The following SMAD5 variants were observed in gnomAD, a reference collection of about 807,000 sequenced individuals.
SMAD5 encodes the protein SMAD family member 5.
In SMAD5, 9 loss-of-function variants were observed where a neutral mutation model predicts 43.1. The observed-to-expected ratio is 0.21, with a 90% confidence interval of 0.13 to 0.36. The LOEUF is 0.36. SMAD5 is among the 10% of genes least tolerant of loss of function. The pLI is 1.00. For missense variants in SMAD5, 348 were observed against 574.0 expected (o/e 0.61, Z 4.02); for synonymous variants, 190 against 192.4 (o/e 0.99, Z 0.10).
At chr5:136,159,133 TTACA>T (rs1463463895) in intron 3 of SMAD5, among the ~76,000 whole-genome samples, 1 of 152,200 alleles carries the variant, frequency 6.6e-6, no homozygotes, top group Non-Finnish European at 1.5e-5. Flanking sequence ...CAGCAATGAA[TTACA>T]TGTATGTATA....
chr5:136,149,247 G>C lies in SMAD5; in HGVS notation c.-170+1341G>C, dbSNP rs79508508. Among the ~76,000 whole-genome samples the C allele has an allele frequency of 3.4e-3, 514 of 151,898 alleles. 7 individuals are homozygous for C. Among genetic ancestry groups the C allele is most frequent in the African/African-American group, 0.012 (478 of 41,472 alleles). ...CACTCTACTGCTGATGAATATTTGG[G>C]TTCCAGTTTGGGACTATTATAAATA... On this transcript the variant is annotated intron_variant, in intron 2 of 7. Coordinates refer to ENST00000545279, the MANE Select transcript of SMAD5 (RefSeq NM_005903.7).
intron 1 of SMAD5, among the ~76,000 whole-genome samples, chr5:136,146,613 G>T (rs1484545698): frequency 6.6e-6 from 1 of 151,566 alleles, no homozygotes. Flanking sequence ...ACTTATGTGA[G>T]GATACTAAAG....
At chr5:136,168,402 T>A (rs904284045) in intron 5 of SMAD5, among the ~76,000 whole-genome samples, 13 of 151,994 alleles carry the variant, frequency 8.6e-5, no homozygotes, top group African/African-American at 2.9e-4. Flanking sequence ...AGTTGTTTTG[T>A]TTTTTTGTTT....
chr5:136,144,429 G>C (rs10036759), intron 1 of SMAD5, among the ~76,000 whole-genome samples: 54,656 of 151,660 alleles, frequency 0.36, 10,836 homozygotes, highest in African/African-American at 0.54. Context: ...TTCTATCCCT[G>C]ATTATGTTAT....
At chr5:136,158,284 ACTTTC>A (rs1753708000) in intron 3 of SMAD5, among the ~76,000 whole-genome samples, 3 of 152,100 alleles carry the variant, frequency 2.0e-5, no homozygotes, top group Admixed American at 6.5e-5. Context: ...GATTCTGAAA[ACTTTC>A]CAGAAAAGAA....
At chr5:136,166,636 G>A (rs569763452) in intron 5 of SMAD5, among the ~76,000 whole-genome samples, 1 of 152,230 alleles carries the variant, frequency 6.6e-6, no homozygotes, top group East Asian at 1.9e-4. Context: ...TGATATGCTG[G>A]AATTATTAAT....
intron 3 of SMAD5, among the ~76,000 whole-genome samples, chr5:136,159,926 T>C (rs1341055570): frequency 1.3e-5 from 2 of 152,158 alleles, no homozygotes; most frequent in African/African-American, 4.8e-5. Flanking sequence ...CAGAATTAAG[T>C]TGAGATTTTT....
chr5:136,166,079 A>C (rs186094589), intron 5 of SMAD5, among the ~76,000 whole-genome samples: 2 of 152,064 alleles, frequency 1.3e-5, no homozygotes, highest in African/African-American at 4.8e-5. Context: ...CATCCTCACC[A>C]GCACTTGTTT....
intron 3 of SMAD5, among the ~76,000 whole-genome samples, chr5:136,154,722 T>C (rs894450899): frequency 6.6e-6 from 1 of 152,204 alleles, no homozygotes; most frequent in African/African-American, 2.4e-5. Context: ...TTTCATTTTT[T>C]TCTTGTGACT....
At chr5:136,154,472 T>A (rs977639197) in intron 3 of SMAD5, among the ~76,000 whole-genome samples, 1 of 152,162 alleles carries the variant, frequency 6.6e-6, no homozygotes, top group African/African-American at 2.4e-5. Flanking sequence ...CTATATCCCA[T>A]TCCTTTTTGT....
rs144231306 is a variant in SMAD5, at chr5:136,152,263, G to T, written c.-169-1329G>T. On this transcript the variant is annotated intron_variant, in intron 2 of 7. Coordinates refer to ENST00000545279, the MANE Select transcript of SMAD5 (RefSeq NM_005903.7). Reference sequence around the variant, plus strand: ...TTTTGAATGAATCAGTTTATTGACTGTTGAGATTAAACCCTACTTGGCATA... The same window carrying T: ...TTTTGAATGAATCAGTTTATTGACTTTTGAGATTAAACCCTACTTGGCATA... Among the ~76,000 whole-genome samples the T allele has an allele frequency of 1.6e-3, 247 of 152,218 alleles. 2 individuals carry two copies. Among genetic ancestry groups the T allele is most frequent in the East Asian group, 9.9e-3 (51 of 5,166 alleles).
chr5:136,149,660 C>G (rs1056667456), intron 2 of SMAD5, among the ~76,000 whole-genome samples: 2 of 151,706 alleles, frequency 1.3e-5, no homozygotes, highest in Non-Finnish European at 3.0e-5. Flanking sequence ...TTTGACTATT[C>G]ACTAATTTTT....
Position 136,163,355 on chromosome 5 carries a change from A to G in SMAD5, c.739A>G (p.Met247Val), listed in dbSNP as rs750126483. 1.9e-6 allele frequency: 3 copies of G among 1,608,834 alleles called. No homozygotes were observed. Among genetic ancestry groups the G allele is most frequent in the Admixed American group, 1.7e-5 (1 of 59,932 alleles). ...NSQPMDTSNN[M>V]IPQIMPSISS... ...CCAGCCTATGGATACAAGCAATAAT[A>G]TGATTCCTCAGATTATGCCCAGTAT... Residue 247 changes from methionine (M) to valine (V), a missense_variant, in exon 5 of 8, where the codon ATG becomes GTG. Physicochemically the swap from Met to Val is conservative, Grantham distance 21. Coordinates refer to ENST00000545279, the MANE Select transcript of SMAD5 (RefSeq NM_005903.7).
At chr5:136,157,302 A>T (rs1320843637) in intron 3 of SMAD5, among the ~76,000 whole-genome samples, 2 of 152,136 alleles carry the variant, frequency 1.3e-5, no homozygotes, top group Non-Finnish European at 2.9e-5. Context: ...TAGAGGGCCA[A>T]CCTAGGTGGT....
chr5:136,149,444 A>G (rs1436745687), intron 2 of SMAD5, among the ~76,000 whole-genome samples: 1 of 151,478 alleles, frequency 6.6e-6, no homozygotes, highest in Non-Finnish European at 1.5e-5. Flanking sequence ...CTATCAATAT[A>G]TGAGAGTTCC....
At chr5:136,172,082 C>A (rs985538231) in intron 5 of SMAD5, among the ~76,000 whole-genome samples, 7 of 152,202 alleles carry the variant, frequency 4.6e-5, no homozygotes, top group African/African-American at 1.7e-4. Flanking sequence ...CAGGTCCTCA[C>A]TAGTTACCAA....
Position 136,161,124 on chromosome 5 carries a change from T to C in SMAD5, c.655+17T>C. 2 of 1,580,968 alleles carry C rather than the reference T, an allele frequency of 1.3e-6. No individual in the cohort carries two copies. The highest frequency in any genetic ancestry group is 1.7e-6 in the Non-Finnish European group (2 of 1,170,896). ...AGCTCCCAGGTAAGACTTTATTTTA[T>C]TGATACCAAAAAAAAAAAAATTCCT... On this transcript the variant is annotated intron_variant, in intron 4 of 7. Transcript: ENST00000545279.
At chr5:136,151,683 C>T (rs945470082) in intron 2 of SMAD5, among the ~76,000 whole-genome samples, 4 of 152,042 alleles carry the variant, frequency 2.6e-5, no homozygotes, top group Non-Finnish European at 5.9e-5. Context: ...CATACTCTCT[C>T]ACACATACGT....
chr5:136,176,050 A>G (rs1340531984), intron 7 of SMAD5, among the ~76,000 whole-genome samples: 1 of 152,192 alleles, frequency 6.6e-6, no homozygotes, highest in African/African-American at 2.4e-5. Context: ...ACCTTAAAGG[A>G]TAATCACTAT....
Sources: allele counts gnomAD v4.1 joint callset (sites outside exome capture counted in the v4.1 genomes callset), GRCh38; gene constraint gnomAD v4.1.1; transcripts MANE v1.5; gene names NCBI Gene and HGNC (gene_info 2026-07-23, HGNC 2026-07-21).